SLC35F4: variants seen among roughly 807,000 people sequenced by gnomAD.
The protein encoded by SLC35F4 is solute carrier family 35 member F4, also known as chromosome 14 open reading frame 36.
In SLC35F4, 24 loss-of-function variants were observed where a neutral mutation model predicts 44.2. That is an observed-to-expected ratio of 0.54 (90% CI 0.39 to 0.76). The LOEUF (loss-of-function observed/expected upper bound fraction) is 0.76. Among genes scored for constraint, SLC35F4 ranks in the 30% least tolerant of loss-of-function variants. The pLI, the probability that SLC35F4 is intolerant of heterozygous loss-of-function variation, is 0.00. For missense variants in SLC35F4, 562 were observed against 586.1 expected, an observed-to-expected ratio of 0.96 and a Z score of 0.42; for synonymous variants, 238 against 223.6, an observed-to-expected ratio of 1.06 and a Z score of -0.57.
At chr14:57,905,863 GGAA>G (rs1256687735) in intron 1 of SLC35F4, among the ~76,000 whole-genome samples, 3 of 152,166 alleles carry the variant, frequency 2.0e-5, no homozygotes, top group Non-Finnish European at 4.4e-5. Flanking sequence ...TGATGAAAAT[GGAA>G]GAACAGGGGA....
intron 1 of SLC35F4, among the ~76,000 whole-genome samples, chr14:57,835,036 A>C (rs1442153592): frequency 6.6e-6 from 1 of 152,200 alleles, no homozygotes; most frequent in Non-Finnish European, 1.5e-5. Flanking sequence ...CTCAAAAACA[A>C]AACAAAACAA....
At chr14:57,676,426 G>C (rs2074695066) in intron 1 of SLC35F4, among the ~76,000 whole-genome samples, 1 of 152,058 alleles carries the variant, frequency 6.6e-6, no homozygotes, top group Non-Finnish European at 1.5e-5. Context: ...GCCTGTCATG[G>C]GGATGGGGGA....
At chr14:57,793,190 T>G (rs1218474025) in intron 1 of SLC35F4, among the ~76,000 whole-genome samples, 1 of 151,860 alleles carries the variant, frequency 6.6e-6, no homozygotes, top group East Asian at 1.9e-4. Flanking sequence ...AGTAAAGGGG[T>G]GAATCTGAGA....
At chr14:57,625,742 A>G (rs542714620) in intron 1 of SLC35F4, among the ~76,000 whole-genome samples, 1 of 152,338 alleles carries the variant, frequency 6.6e-6, no homozygotes, top group East Asian at 1.9e-4. Context: ...AAAACTGGCT[A>G]GCCATACGCA....
intron 1 of SLC35F4, among the ~76,000 whole-genome samples, chr14:57,766,943 T>C (rs377544987): frequency 6.6e-6 from 1 of 152,112 alleles, no homozygotes; most frequent in African/African-American, 2.4e-5. Flanking sequence ...CTTCGAATTC[T>C]ACAAAAAGGA....
At chr14:57,574,735 A>T (rs2068691679) in intron 4 of SLC35F4, among the ~76,000 whole-genome samples, 1 of 152,136 alleles carries the variant, frequency 6.6e-6, no homozygotes, top group Non-Finnish European at 1.5e-5. Flanking sequence ...AAAATTGTGG[A>T]GTGGTTGTTT....
chr14:57,778,171 T>G (rs919043420), intron 1 of SLC35F4, among the ~76,000 whole-genome samples: 3 of 152,208 alleles, frequency 2.0e-5, no homozygotes, highest in Non-Finnish European at 4.4e-5. Flanking sequence ...CTGTCATCCA[T>G]GTAACATGAC....
rs150680282 is a variant in SLC35F4, at chr14:57,771,245, C to T, written c.103+94478G>A. On this transcript the variant is annotated intron_variant, in intron 1 of 7. Coordinates refer to ENST00000556826, the MANE Select transcript of SLC35F4 (RefSeq NM_001306087.2). ...TACCTGACTGAAAATCTCACCTCAC[C>T]CACTTCACCTCCATTTGTGTTCCTA... Among the ~76,000 whole-genome samples, 459 of 152,250 alleles carry T rather than the reference C, an allele frequency of 3.0e-3. 2 individuals are homozygous for T. The highest frequency in any genetic ancestry group is 0.01 in the African/African-American group (422 of 41,526).
intron 1 of SLC35F4, among the ~76,000 whole-genome samples, chr14:57,763,332 T>G (rs80050787): frequency 0.021 from 3,133 of 152,262 alleles, 92 homozygotes; most frequent in African/African-American, 0.071. Context: ...ATAAAGAAAT[T>G]TGTTTTCCTT....
intron 6 of SLC35F4, among the ~76,000 whole-genome samples, chr14:57,569,220 G>A (rs73301893): frequency 0.058 from 8,784 of 152,232 alleles, 260 homozygotes; most frequent in Middle Eastern, 0.068. Flanking sequence ...CAGCCAGAGT[G>A]AGCTGTTTCA....
chr14:57,612,257 A>T (rs956321762), intron 1 of SLC35F4, among the ~76,000 whole-genome samples: 5 of 152,270 alleles, frequency 3.3e-5, no homozygotes, highest in Admixed American at 1.3e-4. Context: ...TCTCTAAAAA[A>T]AAAAGTTTGG....
intron 1 of SLC35F4, among the ~76,000 whole-genome samples, chr14:57,652,883 G>A (rs999583443): frequency 6.6e-6 from 1 of 152,208 alleles, no homozygotes; most frequent in Admixed American, 6.5e-5. Flanking sequence ...CAAAGCTGAT[G>A]GTTCATCTTG....
intron 4 of SLC35F4, chr14:57,580,633 A>G: frequency 4.5e-6 from 1 of 224,020 alleles, no homozygotes. Flanking sequence ...TTGTTGGTGG[A>G]AGTTTAATGC....
intron 1 of SLC35F4, among the ~76,000 whole-genome samples, chr14:57,860,316 A>G (rs1887570352): frequency 6.6e-6 from 1 of 152,234 alleles, no homozygotes; most frequent in African/African-American, 2.4e-5. Flanking sequence ...ACAAAAGGCC[A>G]ACAGGTACAA....
intron 3 of SLC35F4, among the ~76,000 whole-genome samples, chr14:57,585,155 A>C (rs972390406): frequency 1.3e-5 from 2 of 152,130 alleles, no homozygotes; most frequent in South Asian, 2.1e-4. Context: ...TCACGGTGAG[A>C]ATTAATATTC....
chr14:57,758,001 ATGTGTGTGTGTGTGTG>A (rs34860997), intron 1 of SLC35F4, among the ~76,000 whole-genome samples: 9 of 129,020 alleles, frequency 7.0e-5, no homozygotes, highest in East Asian at 2.5e-4. Context: ...TTATAGGTTC[ATGTGTGTGTGTGTGTG>A]TGTGTGTGTG....
At chr14:57,685,020 TTTATA>T (rs1157457711) in intron 1 of SLC35F4, among the ~76,000 whole-genome samples, 2 of 152,178 alleles carry the variant, frequency 1.3e-5, no homozygotes, top group Non-Finnish European at 2.9e-5. Context: ...AAAGTCTCAT[TTTATA>T]TTATATGTGA....
At chr14:57,874,071 T>C (rs907384844) in intron 1 of SLC35F4, among the ~76,000 whole-genome samples, 43 of 152,214 alleles carry the variant, frequency 2.8e-4, no homozygotes, top group African/African-American at 1.0e-3. Context: ...ACATCAGTAT[T>C]ACTTGCTTCT....
chr14:57,774,328 C>T (rs2077437976), intron 1 of SLC35F4, among the ~76,000 whole-genome samples: 1 of 152,148 alleles, frequency 6.6e-6, no homozygotes, highest in African/African-American at 2.4e-5. Context: ...TCACCCTGAG[C>T]CTCTGAATGC....
Sources: allele counts gnomAD v4.1 joint callset (sites outside exome capture counted in the v4.1 genomes callset), GRCh38; gene constraint gnomAD v4.1.1; transcripts MANE v1.5; gene names NCBI Gene and HGNC (gene_info 2026-07-23, HGNC 2026-07-21).